CFI: variants seen among roughly 807,000 people sequenced by gnomAD.
CFI encodes the protein complement factor I, also known as C3B/C4B inactivator.
Under a neutral mutation model 78.8 loss-of-function variants are expected in CFI, and 66 were observed. That is an observed-to-expected ratio of 0.84 (90% CI 0.69 to 1.03). The LOEUF (loss-of-function observed/expected upper bound fraction) is 1.03, where lower values mean the gene tolerates loss of function less well. Ranked by LOEUF, CFI falls within the 50% of genes least tolerant of loss-of-function variation. The probability of loss-of-function intolerance (pLI) is 0.00; values close to 1 mark genes in which losing one functional copy is unlikely to be tolerated. For missense variants in CFI, 706 were observed against 704.5 expected (o/e 1.00, Z -0.02); for synonymous variants, 250 against 232.6 (o/e 1.07, Z -0.68).
At chr4:109,768,939 G>A (rs1579244730) in intron 1 of CFI, among the ~76,000 whole-genome samples, 1 of 151,944 alleles carries the variant, frequency 6.6e-6, no homozygotes, top group African/African-American at 2.4e-5. Context: ...CTGGAAACTG[G>A]CTTTTGACAC....
At position 109,790,898 on chromosome 4, in the gene CFI, G is replaced by A. The variant is rs144499506; in HGVS notation, c.57+11017C>T. On this transcript the variant is annotated intron_variant, in intron 1 of 12. Transcript: ENST00000394634. ...TGTCTTTGCTATTGTGAATAGTGCCGCAATGAACATATGTGTGCATGTGTC... is the reference window on the plus strand; with the variant it reads ...TGTCTTTGCTATTGTGAATAGTGCCACAATGAACATATGTGTGCATGTGTC... 1.9e-3 allele frequency among the ~76,000 whole-genome samples: 296 copies of A among 152,196 alleles called. 6 individuals are homozygous for A. The highest frequency in any genetic ancestry group is 0.017 in the Admixed American group (257 of 15,282).
chr4:109,754,403 T>A (rs1725851110), intron 7 of CFI, among the ~76,000 whole-genome samples: 1 of 119,782 alleles, frequency 8.3e-6, no homozygotes, highest in Non-Finnish European at 1.7e-5. Flanking sequence ...GCATCTGGGA[T>A]GCAGAAGTTA....
At chr4:109,775,894 G>T (rs1290065606) in intron 1 of CFI, among the ~76,000 whole-genome samples, 2 of 152,158 alleles carry the variant, frequency 1.3e-5, no homozygotes, top group Non-Finnish European at 2.9e-5. Flanking sequence ...TGGACCTCCA[G>T]CAAACTCCAA....
chr4:109,736,092 T>C (rs13136260), downstream of CFI, among the ~76,000 whole-genome samples: 9,915 of 152,266 alleles, frequency 0.065, 351 homozygotes, highest in Middle Eastern at 0.092. Flanking sequence ...CTCCACTACT[T>C]AGATAAAACA....
At chr4:109,801,786 A>T (rs1359295566) in intron 1 of CFI, 129 bp downstream of exon 1, 1 of 637,610 alleles carries the variant, frequency 1.6e-6, no homozygotes, top group Admixed American at 2.9e-5. Flanking sequence ...TGCTGACTAT[A>T]GAGTGGCATT....
intron 1 of CFI, among the ~76,000 whole-genome samples, chr4:109,776,330 A>G (rs1203351402): frequency 6.6e-6 from 1 of 152,240 alleles, no homozygotes; most frequent in Non-Finnish European, 1.5e-5. Flanking sequence ...TGCATGCACA[A>G]GCTTCAGTAG....
chr4:109,746,203 C>T lies in CFI; in HGVS notation c.1429+19G>A. On this transcript the variant is annotated intron_variant, in intron 11 of 12. Coordinates refer to ENST00000394634, the MANE Select transcript of CFI (RefSeq NM_000204.5). ...TTTCCAACTCATGGCTTCTGATTAA[C>T]AAACTGTAAAACATATACCTTTTTC... 6.2e-7 allele frequency: 1 copy of T among 1,613,852 alleles called. No individual in the cohort carries two copies. Among genetic ancestry groups the T allele is most frequent in the Non-Finnish European group, 8.5e-7 (1 of 1,179,838 alleles).
chr4:109,768,923 G>C (rs1728208970), intron 1 of CFI, among the ~76,000 whole-genome samples: 1 of 151,954 alleles, frequency 6.6e-6, no homozygotes, highest in Non-Finnish European at 1.5e-5. Flanking sequence ...TGACAAATTG[G>C]TCATTCTGGA....
intron 1 of CFI, among the ~76,000 whole-genome samples, chr4:109,798,974 T>C (rs1277780692): frequency 6.6e-6 from 1 of 152,072 alleles, no homozygotes; most frequent in Non-Finnish European, 1.5e-5. Context: ...GGTTCTGTCC[T>C]GGGCACTCAC....
At chr4:109,748,007 C>T (rs1482895401) in intron 10 of CFI, among the ~76,000 whole-genome samples, 1 of 152,176 alleles carries the variant, frequency 6.6e-6, no homozygotes, top group Non-Finnish European at 1.5e-5. Flanking sequence ...TAACAGGCCA[C>T]AGATCAGTAC....
rs181359457 is a variant in CFI, at chr4:109,773,148, A to T, written c.58-6324T>A. 2.0e-5 allele frequency among the ~76,000 whole-genome samples: 3 copies of T among 152,324 alleles called. No homozygotes were observed. In the East Asian group the frequency reaches 5.8e-4, roughly 29 times the overall value. On this transcript the variant is annotated intron_variant, in intron 1 of 12. Coordinates refer to ENST00000394634, the MANE Select transcript of CFI (RefSeq NM_000204.5). ...CAAATTGTAGCGATACCATAGAATC[A>T]AAGTAGCCTAGAATGCAGGGCCAAC...
At chr4:109,755,575 G>C (rs901837177) in intron 7 of CFI, among the ~76,000 whole-genome samples, 2 of 152,042 alleles carry the variant, frequency 1.3e-5, no homozygotes, top group Admixed American at 1.3e-4. Flanking sequence ...GAGTGGGCTT[G>C]TTATATACAA....
In CFI at chr4:109,749,537, G is replaced by C. The variant is rs759676430; in HGVS notation, c.1006C>G (p.Arg336Gly). Residue 336 changes from arginine to glycine, a missense_variant, in exon 9 of 13, where the codon CGA (arginine) becomes GGA (glycine). Arg to Gly is a moderately radical substitution (Grantham distance 125). Coordinates refer to ENST00000394634, the MANE Select transcript of CFI (RefSeq NM_000204.5). Reference sequence around the variant, plus strand: ...TTTCCTCCCACAATTCGTTTCCTTCGAATGTGCATTCTGTTTTTAACTCCA... The same window carrying C: ...TTTCCTCCCACAATTCGTTTCCTTCCAATGTGCATTCTGTTTTTAACTCCA... ...SCGVKNRMHI[R>G]RKRIVGGKRA... The C allele has an allele frequency of 9.3e-6, 15 of 1,613,508 alleles. No homozygotes were observed. In the Admixed American group the frequency reaches 2.3e-4, roughly 25 times the overall value.
intron 7 of CFI, among the ~76,000 whole-genome samples, chr4:109,756,163 G>C (rs1269890413): frequency 1.3e-5 from 2 of 152,042 alleles, no homozygotes; most frequent in East Asian, 3.9e-4. Flanking sequence ...AAGAGGAATG[G>C]GAGTAAGGTA....
intron 1 of CFI, 138 bp from the exon 2 acceptor site, chr4:109,766,962 T>A: frequency 1.3e-6 from 1 of 789,682 alleles, no homozygotes; most frequent in Non-Finnish European, 2.0e-6. Flanking sequence ...GCTTCAAGAA[T>A]CAGAAATAAT....
intron 1 of CFI, among the ~76,000 whole-genome samples, chr4:109,775,195 T>TG (rs1229003584): frequency 6.6e-6 from 1 of 151,814 alleles, no homozygotes. Context: ...TGGAGCAGGG[T>TG]GGGGCATCGC....
At chr4:109,749,421 C>T (rs1724867871) in intron 9 of CFI, 78 bp downstream of exon 9, 2 of 1,475,266 alleles carry the variant, frequency 1.4e-6, no homozygotes, top group Admixed American at 3.3e-5. Context: ...CTTATAATTA[C>T]ATCATCCTCC....
intron 7 of CFI, among the ~76,000 whole-genome samples, chr4:109,756,143 C>A (rs1428111753): frequency 6.6e-6 from 1 of 151,874 alleles, no homozygotes; most frequent in Non-Finnish European, 1.5e-5. Flanking sequence ...AAAATGGTTG[C>A]CTATTGGGGA....
intron 4 of CFI, among the ~76,000 whole-genome samples, 192 bp downstream of exon 4, chr4:109,761,325 C>T (rs1167457035): frequency 6.6e-6 from 1 of 152,074 alleles, no homozygotes; most frequent in East Asian, 1.9e-4. Flanking sequence ...TGTAGAGAGG[C>T]AATGTTTGAA....
Sources: gnomAD v4.1 joint callset for allele counts (sites outside exome capture counted in the v4.1 genomes callset) on GRCh38, gnomAD v4.1.1 for gene constraint, MANE v1.5 for transcripts, NCBI Gene and HGNC (gene_info 2026-07-23, HGNC 2026-07-21) for gene names.